Variants in BUB1 observed in about 807,000 individuals in gnomAD.
The protein encoded by BUB1 is BUB1 mitotic checkpoint serine/threonine kinase.
Under a neutral mutation model 135.2 loss-of-function variants are expected in BUB1, and 84 were observed. That is an observed-to-expected ratio of 0.62 (90% confidence interval 0.52 to 0.74). The LOEUF (loss-of-function observed/expected upper bound fraction) is 0.74. Ranked by LOEUF, BUB1 falls within the 30% of genes least tolerant of loss-of-function variation. The pLI, the probability that BUB1 is intolerant of heterozygous loss-of-function variation, is 0.00. For synonymous variants in BUB1, 403 were observed against 434.4 expected (o/e 0.93, Z 0.90); for missense variants, 1,162 against 1,288.3 (o/e 0.90, Z 1.50).
At chr2:110,677,512 C>T (rs921362519) in intron 1 of BUB1, among the ~76,000 whole-genome samples, 2 of 151,672 alleles carry the variant, frequency 1.3e-5, no homozygotes, top group Admixed American at 1.3e-4. Context: ...CTTAAAGTAC[C>T]CTGTATTCAA....
intron 1 of BUB1, 109 bp downstream of exon 1, chr2:110,677,861 C>G: frequency 7.4e-7 from 1 of 1,353,938 alleles, no homozygotes; most frequent in East Asian, 2.6e-5. Flanking sequence ...ATTCCAAACC[C>G]AGGAAGGGGG....
At chr2:110,644,477 TC>T (rs1689591802) in intron 19 of BUB1, among the ~76,000 whole-genome samples, 1 of 54,928 alleles carries the variant, frequency 1.8e-5, no homozygotes, top group African/African-American at 1.1e-4. Flanking sequence ...AAACCCCGTC[TC>T]AAAAAAAAAA....
At position 110,641,107 on chromosome 2, in the gene BUB1, AT is replaced by A. The variant is rs774455397; in HGVS notation, c.2881del (p.Ile961TyrfsTer44). On this transcript the variant is annotated frameshift_variant, in exon 23 of 25. Transcript: ENST00000302759. LOFTEE classifies it high-confidence loss of function. ...IDMKLFPKGT[I>X]FTAKCETSGF... ...AGATGTTTCACACTTTGCTGTGAAT[AT>A]AGTTCCTTTTGGAAAAAGTTTCATA... is the stretch of plus-strand genomic sequence containing the variant. 3 of 1,613,530 alleles carry A rather than the reference AT, an allele frequency of 1.9e-6. No individual in the cohort carries two copies. In the African/African-American group the frequency reaches 4.0e-5, roughly 22 times the overall value.
intron 15 of BUB1, 78 bp downstream of exon 15, chr2:110,656,958 C>G (rs1019023739): frequency 9.5e-7 from 1 of 1,056,882 alleles, no homozygotes; most frequent in South Asian, 1.6e-5. Context: ...ACAATATCCT[C>G]TGACTGGCAT....
rs778263173 is a variant in BUB1 at position 110,666,285 on chromosome 2, G to C, written c.935C>G (p.Pro312Arg). The C allele has an allele frequency of 6.8e-7, 1 of 1,468,374 alleles. No individual in the cohort carries two copies. The highest frequency in any genetic ancestry group is 9.1e-7 in the Non-Finnish European group (1 of 1,103,570). The allele number at this position is 1,468,374 out of a possible 1,614,324, so 91.0% of individuals were successfully genotyped here. The change falls in exon 9 of 25, where the codon CCC becomes CGC. Residue 312 changes from proline to arginine, a missense_variant. Physicochemically the swap from Pro to Arg is moderately radical, Grantham distance 103. Coordinates refer to ENST00000302759, the MANE Select transcript of BUB1 (RefSeq NM_004336.5). ...QVVETSHEDL[P>R]ASQERSEVNP... is the part of the protein sequence containing the mutation. ...TACCTCGGACCTTTCCTGGGAAGCG[G>C]GCAGATCCTCATGGGATGTCTCCAC...
chr2:110,670,450 T>TA, intron 5 of BUB1, 75 bp downstream of exon 5: 3 of 1,568,790 alleles, frequency 1.9e-6, no homozygotes, highest in Non-Finnish European at 2.6e-6. Flanking sequence ...GTTTGTTTTT[T>TA]AAAGAAAAGA....
At chr2:110,654,860 C>T (rs928826870) in intron 16 of BUB1, among the ~76,000 whole-genome samples, 6 of 152,098 alleles carry the variant, frequency 3.9e-5, no homozygotes, top group African/African-American at 1.2e-4. Context: ...TCTATTATTG[C>T]TTTGGTAAAC....
chr2:110,642,251 A>T lies in BUB1; in HGVS notation c.2348-17T>A. ...GCTTAGAACCTTAGAAGATAATTGA[A>T]AATTTTAATTTATGTACGCCTTTTA... On this transcript the variant is annotated splice_polypyrimidine_tract_variant and intron_variant, in intron 19 of 24. Transcript: ENST00000302759. The T allele has an allele frequency of 6.6e-7, 1 of 1,521,232 alleles. No homozygotes were observed. The highest frequency in any genetic ancestry group is 8.9e-7 in the Non-Finnish European group (1 of 1,118,820). 94.2% of individuals were successfully genotyped at this position (1,521,232 alleles called of 1,614,324 possible).
chr2:110,641,460 G>A lies in BUB1; in HGVS notation c.2630C>T (p.Ala877Val). 1 of 1,605,152 alleles carries A rather than the reference G, an allele frequency of 6.2e-7. No individual in the cohort carries two copies. The highest frequency in any genetic ancestry group is 8.5e-7 in the Non-Finnish European group (1 of 1,177,374). ...AGGGGTATTTTTATAGAGGTTAATG[G>A]CATTCTAGGAACAATGGAAAGTGGA... is the stretch of plus-strand genomic sequence containing the variant. ...ELYSYGTLLN[A>V]INLYKNTPEK... Residue 877 changes from alanine (A) to valine (V), a missense_variant, in exon 22 of 25, where the codon GCC becomes GTC. Transcript: ENST00000302759.
At chr2:110,659,809 C>T (rs1690030945) in intron 11 of BUB1, among the ~76,000 whole-genome samples, 169 bp downstream of exon 11, 1 of 152,166 alleles carries the variant, frequency 6.6e-6, no homozygotes, top group African/African-American at 2.4e-5. Flanking sequence ...TGGATTTCTA[C>T]ATTTATTTGA....
At position 110,648,212 on chromosome 2, in the gene BUB1, T is replaced by TAA. The variant is rs879743068; in HGVS notation, c.2347+1020_2347+1021dup. On this transcript the variant is annotated intron_variant, in intron 19 of 24. Transcript: ENST00000302759. The surrounding 1 kb of genome is among the most constrained non-coding windows in gnomAD (Gnocchi z 4.2). ...TCATGCACTAAACATTATTCAGTGA[T>TAA]AAAAAAAAAAAAGCTATCAAATCAT... 7.3e-6 allele frequency among the ~76,000 whole-genome samples: 1 copy of TAA among 137,552 alleles called. No homozygotes were observed. The highest frequency in any genetic ancestry group is 2.7e-5 in the African/African-American group (1 of 37,486). The allele number at this position is 137,552 out of a possible 152,430, so 90.2% of individuals were successfully genotyped here.
chr2:110,671,353 G>C (rs1349762245), intron 4 of BUB1, among the ~76,000 whole-genome samples: 1 of 152,174 alleles, frequency 6.6e-6, no homozygotes, highest in Admixed American at 6.5e-5. Context: ...TTTAAAATTT[G>C]TCAGCATTGA....
chr2:110,648,814 C>T lies in BUB1; in HGVS notation c.2347+420G>A, dbSNP rs1689709581. 6.6e-6 allele frequency: 1 copy of T among 152,400 alleles called. No homozygotes were observed. Among genetic ancestry groups the T allele is most frequent in the South Asian group, 2.1e-4 (1 of 4,840 alleles). The allele number at this position is 152,400 out of a possible 1,614,324, so 9.4% of individuals were successfully genotyped here. On this transcript the variant is annotated intron_variant, in intron 19 of 24. Coordinates refer to ENST00000302759, the MANE Select transcript of BUB1 (RefSeq NM_004336.5). This position sits in a 1 kb window ranked among gnomAD's most constrained non-coding sequence, Gnocchi z 4.2. Reference sequence around the variant, plus strand: ...ACTGTTTTAATTGTGGCATATAATACATACGGCTCTGCCCTTTTAACAGTA... The same window carrying T: ...ACTGTTTTAATTGTGGCATATAATATATACGGCTCTGCCCTTTTAACAGTA...
rs1354048560 is a variant in BUB1, at chr2:110,648,644, A to T, written c.2347+590T>A. 3.9e-5 allele frequency among the ~76,000 whole-genome samples: 6 copies of T among 152,326 alleles called. No individual in the cohort carries two copies. The South Asian group carries it at 1.0e-3, about 26-fold the overall frequency. On this transcript the variant is annotated intron_variant, in intron 19 of 24. Coordinates refer to ENST00000302759, the MANE Select transcript of BUB1 (RefSeq NM_004336.5). This position sits in a 1 kb window ranked among gnomAD's most constrained non-coding sequence, Gnocchi z 4.2. The stretch of plus-strand genomic sequence containing the variant: ...AACACGAAAATCTGTGTGTGTATAT[A>T]TGGGGAGGTAGGAATATGTACTTTA...
chr2:110,639,738 T>TC lies in BUB1; in HGVS notation c.3062+3dup. On this transcript the variant is annotated splice_donor_region_variant and intron_variant, in intron 24 of 24. Transcript: ENST00000302759. Reference sequence around the variant, plus strand: ...TTCACTACAGCACCAATGCTAATACTCACCTTCTAAAAAGACCTTCAGGCT... The same window carrying TC: ...TTCACTACAGCACCAATGCTAATACTCCACCTTCTAAAAAGACCTTCAGGCT... The TC allele has an allele frequency of 6.3e-7, 1 of 1,599,526 alleles. No individual in the cohort carries two copies. Among genetic ancestry groups the TC allele is most frequent in the Non-Finnish European group, 8.6e-7 (1 of 1,166,952 alleles).
At chr2:110,641,870 C>G in intron 20 of BUB1, 67 bp from the exon 21 acceptor site, 1 of 1,488,502 alleles carries the variant, frequency 6.7e-7, no homozygotes, top group Non-Finnish European at 9.1e-7. Context: ...AATAAAGCAA[C>G]CTCTATCCCA....
In BUB1 at chr2:110,650,693, C is replaced by T. The variant is rs1363593000; in HGVS notation, c.2056G>A (p.Val686Ile). 1.2e-6 allele frequency: 2 copies of T among 1,613,996 alleles called. No homozygotes were observed. Among genetic ancestry groups the T allele is most frequent in the African/African-American group, 1.3e-5 (1 of 75,020 alleles). The stretch of plus-strand genomic sequence containing the variant: ...CCCAACTCTGCCTCACAGGTAAGTA[C>T]CCCACCTGCAGCAGGCTGGCTCAGA... ...LRLSQPAAGG[V>I]LTCEAELGVE... The change falls in exon 18 of 25, where the codon GTA becomes ATA. Residue 686 changes from valine (V) to isoleucine (I), a missense_variant. By Grantham distance (29) the Val-to-Ile change is conservative. Transcript: ENST00000302759.
intron 17 of BUB1, among the ~76,000 whole-genome samples, chr2:110,652,207 G>A (rs979733911): frequency 5.3e-5 from 8 of 152,046 alleles, no homozygotes; most frequent in Admixed American, 1.3e-4. Flanking sequence ...TTTACAGAAC[G>A]CAGAGTGATG....
In BUB1 at chr2:110,657,578, A is replaced by C. The variant is rs1217014709; in HGVS notation, c.1584T>G (p.His528Gln). Residue 528 changes from histidine to glutamine, a missense_variant, in exon 14 of 25, where the codon CAT becomes CAG. Physicochemically the swap from His to Gln is conservative, Grantham distance 24. Transcript: ENST00000302759. ...TTTCTTTGTTTCCATCTTCAAACAC[A>C]TGAAAAGCAGATGACAAAGAAGAGA... Reference protein sequence around the residue: ...KIISSLSSAFHVFEDGNKENY... With the variant: ...KIISSLSSAFQVFEDGNKENY... 6.2e-7 allele frequency: 1 copy of C among 1,608,738 alleles called. No homozygotes were observed. Among genetic ancestry groups the C allele is most frequent in the South Asian group, 1.1e-5 (1 of 90,158 alleles).
Sources: gnomAD v4.1 joint callset for allele counts (sites outside exome capture counted in the v4.1 genomes callset) on GRCh38, gnomAD v4.1.1 for gene constraint, Gnocchi (gnomAD v3.1) non-coding constraint, MANE v1.5 for transcripts, NCBI Gene and HGNC (gene_info 2026-07-23, HGNC 2026-07-21) for gene names.